ABCC4: variants seen among roughly 807,000 people sequenced by gnomAD.
The protein encoded by ABCC4 is ATP binding cassette subfamily C member 4 (PEL blood group), also known as ATP-binding cassette sub-family C member 4.
In ABCC4, 102 loss-of-function variants were observed where a neutral mutation model predicts 168.5. That is an observed-to-expected ratio of 0.61 (90% confidence interval 0.52 to 0.71). The LOEUF (loss-of-function observed/expected upper bound fraction) is 0.71, where lower values mean the gene tolerates loss of function less well. Ranked by LOEUF, ABCC4 falls within the 30% of genes least tolerant of loss-of-function variation. The pLI, the probability that ABCC4 is intolerant of heterozygous loss-of-function variation, is 0.00. For missense variants in ABCC4, 1,402 were observed against 1,605.8 expected (o/e 0.87, Z 2.17); for synonymous variants, 617 against 590.7 (o/e 1.04, Z -0.65).
chr13:95,044,199 C>T, intron 28 of ABCC4, 67 bp downstream of exon 28: 1 of 1,389,636 alleles, frequency 7.2e-7, no homozygotes, highest in Non-Finnish European at 9.6e-7. Flanking sequence ...TTCTCAGAAT[C>T]ATTCCATGTT....
chr13:95,096,795 G>A (rs1340548806), intron 20 of ABCC4, among the ~76,000 whole-genome samples: 1 of 152,218 alleles, frequency 6.6e-6, no homozygotes, highest in Non-Finnish European at 1.5e-5. Context: ...AGACCAGCCT[G>A]AAAGGAAGTT....
chr13:95,266,773 T>C (rs1435813893), intron 1 of ABCC4, among the ~76,000 whole-genome samples: 1 of 151,794 alleles, frequency 6.6e-6, no homozygotes, highest in Admixed American at 6.6e-5. Context: ...CTCTCCTGTT[T>C]CTGTGCACTG....
At chr13:95,262,781 C>A (rs943160723) in intron 1 of ABCC4, among the ~76,000 whole-genome samples, 1 of 152,072 alleles carries the variant, frequency 6.6e-6, no homozygotes, top group Non-Finnish European at 1.5e-5. Flanking sequence ...TACAGGCACA[C>A]GCCACCATGC....
chr13:95,242,442 G>A (rs2039974862), intron 3 of ABCC4, among the ~76,000 whole-genome samples: 2 of 152,068 alleles, frequency 1.3e-5, no homozygotes, highest in Admixed American at 1.3e-4. Flanking sequence ...TGGTCAGGCT[G>A]GTCTCGAACT....
Position 95,021,549 on chromosome 13 carries a change from G to C in ABCC4, c.*26C>G. ...CAAAAACTAGTGGAAAATGCCTTCG[G>C]AACGGACTTGACATTTTGGTTGGAT... On this transcript the variant is annotated 3_prime_UTR_variant, in exon 31 of 31. Transcript: ENST00000645237. The C allele has an allele frequency of 6.5e-7, 1 of 1,530,954 alleles. No individual in the cohort carries two copies. The highest frequency in any genetic ancestry group is 9.0e-7 in the Non-Finnish European group (1 of 1,107,322). The allele number at this position is 1,530,954 out of a possible 1,614,324, so 94.8% of individuals were successfully genotyped here.
intron 13 of ABCC4, 106 bp downstream of exon 13, chr13:95,177,601 G>C: frequency 1.2e-6 from 1 of 814,000 alleles, no homozygotes; most frequent in East Asian, 2.6e-5. Flanking sequence ...GTGGGGAGGG[G>C]AGCGGACACC....
intron 20 of ABCC4, among the ~76,000 whole-genome samples, chr13:95,102,256 G>T (rs1013040573): frequency 1.3e-5 from 2 of 151,994 alleles, no homozygotes; most frequent in African/African-American, 4.8e-5. Context: ...GTGATCTTCC[G>T]GACTCAGCCT....
intron 26 of ABCC4, among the ~76,000 whole-genome samples, chr13:95,056,091 C>T (rs1015241851): frequency 6.6e-6 from 1 of 152,144 alleles, no homozygotes; most frequent in Non-Finnish European, 1.5e-5. Context: ...CCTTCAGACA[C>T]TTAAAACGAC....
intron 4 of ABCC4, among the ~76,000 whole-genome samples, chr13:95,226,229 T>C (rs1441126862): frequency 6.6e-6 from 1 of 151,640 alleles, no homozygotes; most frequent in Non-Finnish European, 1.5e-5. Context: ...CCTGTAAAAC[T>C]TGAAAAGCTG....
At chr13:95,210,202 G>T (rs914064118) in intron 5 of ABCC4, among the ~76,000 whole-genome samples, 2 of 152,206 alleles carry the variant, frequency 1.3e-5, no homozygotes, top group African/African-American at 4.8e-5. Context: ...ATACTGGGCG[G>T]GTATGGTGTT....
intron 19 of ABCC4, among the ~76,000 whole-genome samples, chr13:95,117,647 A>G (rs1299400703): frequency 6.6e-6 from 1 of 152,232 alleles, no homozygotes; most frequent in Non-Finnish European, 1.5e-5. Flanking sequence ...AAAGGAAAAT[A>G]TAAGTTAAAA....
chr13:95,118,698 T>G lies in ABCC4; in HGVS notation c.2456-2697A>C, dbSNP rs145610775. On this transcript the variant is annotated intron_variant, in intron 19 of 30. Transcript: ENST00000645237. ...GCCACACCTCTTCATCCAAATGACA[T>G]CTGGCCCCTGCTGGAGCATCTCCAG... Among the ~76,000 whole-genome samples, 727 of 152,324 alleles carry G rather than the reference T, an allele frequency of 4.8e-3. 3 individuals are homozygous for G. The highest frequency in any genetic ancestry group is 0.016 in the African/African-American group (658 of 41,578).
At chr13:95,161,386 T>C (rs1258032263) in intron 18 of ABCC4, 51 bp from the exon 19 acceptor site, 1 of 1,420,232 alleles carries the variant, frequency 7.0e-7, no homozygotes, top group Non-Finnish European at 9.3e-7. Flanking sequence ...CTGCATTTTC[T>C]TCAATAGTTG....
intron 30 of ABCC4, among the ~76,000 whole-genome samples, chr13:95,031,242 T>C (rs753023167): frequency 3.3e-5 from 5 of 151,786 alleles, no homozygotes; most frequent in Non-Finnish European, 5.9e-5. Context: ...TGTATTTCCT[T>C]ATGTCTTTCT....
intron 1 of ABCC4, among the ~76,000 whole-genome samples, chr13:95,294,356 C>G (rs951115998): frequency 1.3e-5 from 2 of 151,348 alleles, no homozygotes; most frequent in Non-Finnish European, 2.9e-5. Flanking sequence ...GAGATAGACT[C>G]CGTCTCAAAA....
chr13:95,022,077 T>C (rs1353011084), intron 30 of ABCC4, among the ~76,000 whole-genome samples: 1 of 152,172 alleles, frequency 6.6e-6, no homozygotes, highest in African/African-American at 2.4e-5. Context: ...ATGAGCACAA[T>C]AGATTTGGAT....
chr13:95,263,246 A>G (rs2040580701), intron 1 of ABCC4, among the ~76,000 whole-genome samples: 1 of 152,120 alleles, frequency 6.6e-6, no homozygotes. Context: ...CATGCATAAA[A>G]CAAGGTTATA....
intron 1 of ABCC4, among the ~76,000 whole-genome samples, chr13:95,258,297 G>T (rs1280984223): frequency 2.6e-5 from 4 of 152,124 alleles, no homozygotes; most frequent in African/African-American, 9.7e-5. Context: ...GCTTGACTGG[G>T]TCCCCTTCGT....
At chr13:95,131,865 C>T (rs550383010) in intron 19 of ABCC4, among the ~76,000 whole-genome samples, 11 of 151,800 alleles carry the variant, frequency 7.2e-5, no homozygotes, top group East Asian at 1.9e-4. Flanking sequence ...AAAAATGGTC[C>T]AGGTGCAATG....
Sources: gnomAD v4.1 joint callset for allele counts (sites outside exome capture counted in the v4.1 genomes callset) on GRCh38, gnomAD v4.1.1 for gene constraint, MANE v1.5 for transcripts, NCBI Gene and HGNC (gene_info 2026-07-23, HGNC 2026-07-21) for gene names.